The following CDK3 variants were observed in gnomAD, a reference collection of about 807,000 sequenced individuals.
CDK3 encodes cyclin dependent kinase 3, also known as cyclin-dependent kinase 3.
CDK3 carries 24 observed loss-of-function variants against 30.2 expected under a neutral mutation model. The observed-to-expected ratio is 0.79, with a 90% CI of 0.57 to 1.12. CDK3 has a LOEUF of 1.12. Ranked by LOEUF, CDK3 falls within the 50% of genes most tolerant of loss-of-function variation. The probability of loss-of-function intolerance (pLI) is 0.00; values close to 1 mark genes in which losing one functional copy is unlikely to be tolerated. For missense variants in CDK3, 345 were observed against 376.0 expected (o/e 0.92, Z 0.68); for synonymous variants, 158 against 154.2 (o/e 1.02, Z -0.18).
At position 76,001,553 on chromosome 17, in the gene CDK3, G is replaced by A; in HGVS notation, c.116+12G>A. 6.2e-7 allele frequency: 1 copy of A among 1,610,294 alleles called. No individual in the cohort carries two copies. Among genetic ancestry groups the A allele is most frequent in the African/African-American group, 1.3e-5 (1 of 74,936 alleles). On this transcript the variant is annotated intron_variant, in intron 2 of 7. Transcript: ENST00000448471. This position sits in a 1 kb window ranked among gnomAD's most constrained non-coding sequence, Gnocchi z 6.2. ...ATCAGACTGGATTTGTGAGTGCTGGGACGGCCCCTGAGTTACCCACCCTGG... is the reference window on the plus strand; with the variant it reads ...ATCAGACTGGATTTGTGAGTGCTGGAACGGCCCCTGAGTTACCCACCCTGG...
In CDK3 at chr17:76,005,776, C is replaced by T. The variant is rs1382720346; in HGVS notation, c.*353C>T. ...GGGCCAGACCCTGAGGAAAGGGCGC[C>T]CCCTGCTGGTCTTTTTGGATTTAAA... On this transcript the variant is annotated 3_prime_UTR_variant, in exon 8 of 8. Transcript: ENST00000448471. This position sits in a 1 kb window ranked among gnomAD's most constrained non-coding sequence, Gnocchi z 4.7. 1 of 209,956 alleles carries T rather than the reference C, an allele frequency of 4.8e-6. No homozygotes were observed. The highest frequency in any genetic ancestry group is 9.5e-6 in the Non-Finnish European group (1 of 104,872). The allele number at this position is 209,956 out of a possible 1,614,324, so 13.0% of individuals were successfully genotyped here. A position where few individuals can be genotyped will look rare whatever the true frequency, so the allele number is the denominator to read the frequency against.
chr17:76,005,271 C>T lies in CDK3; in HGVS notation c.793-27C>T. 6.2e-7 allele frequency: 1 copy of T among 1,610,988 alleles called. No homozygotes were observed. The highest frequency in any genetic ancestry group is 8.5e-7 in the Non-Finnish European group (1 of 1,178,134). The stretch of plus-strand genomic sequence containing the variant: ...CACCCCACCCTGGCTGCACCCAGAC[C>T]ACATCTTCTTCCTTCTTTCTTCCTA... On this transcript the variant is annotated intron_variant, in intron 7 of 7. Coordinates refer to ENST00000448471, the MANE Select transcript of CDK3 (RefSeq NM_001258.4). The surrounding 1 kb of genome is among the most constrained non-coding windows in gnomAD (Gnocchi z 4.7).
chr17:76,004,023 C>T (rs1326594526), intron 7 of CDK3, among the ~76,000 whole-genome samples: 1 of 151,824 alleles, frequency 6.6e-6, no homozygotes, highest in Non-Finnish European at 1.5e-5. Flanking sequence ...GGATTACAGG[C>T]ATGAGCCACT....
chr17:76,002,129 T>C lies in CDK3; in HGVS notation c.302T>C (p.Leu101Pro). The C allele has an allele frequency of 1.2e-6, 2 of 1,613,944 alleles. No individual in the cohort carries two copies. Among genetic ancestry groups the C allele is most frequent in the Non-Finnish European group, 8.5e-7 (1 of 1,179,960 alleles). The change falls in exon 4 of 8, where the codon CTG becomes CCG. Residue 101 changes from leucine (L) to proline (P), a missense_variant. Transcript: ENST00000448471. This position sits in a 1 kb window ranked among gnomAD's most constrained non-coding sequence, Gnocchi z 4.3. The part of the protein sequence containing the change: ...MDSTPGSELP[L>P]HLIKSYLFQL... ...TCCACCCCAGGCTCAGAGCTCCCCCTGCACCTCATCAAGGTAGGGAAGGAA... is the reference window on the plus strand; with the variant it reads ...TCCACCCCAGGCTCAGAGCTCCCCCCGCACCTCATCAAGGTAGGGAAGGAA...
In CDK3 at chr17:76,001,803, C is replaced by A; in HGVS notation, c.117-71C>A. 7.0e-7 allele frequency: 1 copy of A among 1,432,002 alleles called. No homozygotes were observed. Among genetic ancestry groups the A allele is most frequent in the Non-Finnish European group, 9.6e-7 (1 of 1,043,832 alleles). 88.7% of individuals were successfully genotyped at this position (1,432,002 alleles called of 1,614,324 possible). The stretch of plus-strand genomic sequence containing the variant: ...TCATTCTGTGGGGTTAAGGAGAAGC[C>A]GATCCCCCTGGCTGGAAGTGCCCTT... On this transcript the variant is annotated intron_variant, in intron 2 of 7. Coordinates refer to ENST00000448471, the MANE Select transcript of CDK3 (RefSeq NM_001258.4). This position sits in a 1 kb window ranked among gnomAD's most constrained non-coding sequence, Gnocchi z 6.2.
Position 76,005,527 on chromosome 17 carries a change from G to A in CDK3, c.*104G>A, listed in dbSNP as rs907164535. The A allele has an allele frequency of 1.3e-5, 18 of 1,376,422 alleles. No homozygotes were observed. In the East Asian group the frequency reaches 2.6e-4, roughly 20 times the overall value. The allele number at this position is 1,376,422 out of a possible 1,614,324, so 85.3% of individuals were successfully genotyped here. The stretch of plus-strand genomic sequence containing the variant: ...GCATCTGGGGAGAGCAAAGCACTAA[G>A]GAATTCAGCATCAGCCTGCAGAGGG... On this transcript the variant is annotated 3_prime_UTR_variant, in exon 8 of 8. Transcript: ENST00000448471. This position sits in a 1 kb window ranked among gnomAD's most constrained non-coding sequence, Gnocchi z 4.7.
In CDK3 at chr17:76,002,656, G is replaced by T. The variant is rs1039896989; in HGVS notation, c.588+44G>T. 1 of 782,448 alleles carries T rather than the reference G, an allele frequency of 1.3e-6. No homozygotes were observed. Among genetic ancestry groups the T allele is most frequent in the Non-Finnish European group, 2.4e-6 (1 of 421,176 alleles). The allele number at this position is 782,448 out of a possible 1,614,324, so 48.5% of individuals were successfully genotyped here. On this transcript the variant is annotated intron_variant, in intron 6 of 7. Transcript: ENST00000448471. This position sits in a 1 kb window ranked among gnomAD's most constrained non-coding sequence, Gnocchi z 4.3. ...ATGGCCACAGGGTGCCACAGGCAGG[G>T]TCCTACTGGGGTTGGGTGGGGTCCA... is the stretch of plus-strand genomic sequence containing the variant.
At position 76,002,274 on chromosome 17, in the gene CDK3, G is replaced by A. The variant is rs747090635; in HGVS notation, c.342G>A (p.Gly114=). 1.2e-6 allele frequency: 2 copies of A among 1,611,766 alleles called. No homozygotes were observed. Among genetic ancestry groups the A allele is most frequent in the Middle Eastern group, 1.6e-4 (1 of 6,062 alleles). The change falls in exon 5 of 8, where the codon GGG becomes GGA. Residue 114 remains glycine, a synonymous_variant. Coordinates refer to ENST00000448471, the MANE Select transcript of CDK3 (RefSeq NM_001258.4). This position sits in a 1 kb window ranked among gnomAD's most constrained non-coding sequence, Gnocchi z 4.3. The part of the protein sequence containing the change: ...IKSYLFQLLQ[G]VSFCHSHRVI... ...GCTACCTCTTCCAGCTGCTGCAGGGGGTGAGTTTCTGCCACTCACATCGGG... is the reference window on the plus strand; with the variant it reads ...GCTACCTCTTCCAGCTGCTGCAGGGAGTGAGTTTCTGCCACTCACATCGGG...
At chr17:76,004,232 T>G (rs1378921300) in intron 7 of CDK3, among the ~76,000 whole-genome samples, 1 of 146,446 alleles carries the variant, frequency 6.8e-6, no homozygotes, top group Non-Finnish European at 1.5e-5. Context: ...TTTTTTTTTT[T>G]TTTTGAGACA....
rs2066275597 is a variant in CDK3, at chr17:76,002,998, A to G, written c.589-197A>G. 3 of 627,174 alleles carry G rather than the reference A, an allele frequency of 4.8e-6. No individual in the cohort carries two copies. Among genetic ancestry groups the G allele is most frequent in the South Asian group, 3.8e-5 (2 of 53,226 alleles). 38.9% of individuals were successfully genotyped at this position (627,174 alleles called of 1,614,324 possible). A position where few individuals can be genotyped will look rare whatever the true frequency, so the allele number is the denominator to read the frequency against. On this transcript the variant is annotated intron_variant, in intron 6 of 7. Coordinates refer to ENST00000448471, the MANE Select transcript of CDK3 (RefSeq NM_001258.4). This position sits in a 1 kb window ranked among gnomAD's most constrained non-coding sequence, Gnocchi z 4.3. ...GGTGACAGAGCAAGACTCCGTCTCT[A>G]TTTTTTAAAAAAAGGTGTTTGGTAC... is the stretch of plus-strand genomic sequence containing the variant.
Position 76,001,835 on chromosome 17 carries a change from C to G in CDK3, c.117-39C>G, listed in dbSNP as rs1308715611. 1.3e-6 allele frequency: 2 copies of G among 1,592,622 alleles called. No homozygotes were observed. The highest frequency in any genetic ancestry group is 1.7e-6 in the Non-Finnish European group (2 of 1,164,116). On this transcript the variant is annotated intron_variant, in intron 2 of 7. Coordinates refer to ENST00000448471, the MANE Select transcript of CDK3 (RefSeq NM_001258.4). The surrounding 1 kb of genome is among the most constrained non-coding windows in gnomAD (Gnocchi z 6.2). ...CCTGGCTGGAAGTGCCCTTCTTGGC[C>G]CAAGTCTCTGCCCACGGCTGTGCCC...
chr17:76,002,267 T>C lies in CDK3; in HGVS notation c.335T>C (p.Leu112Pro), dbSNP rs1167660963. The C allele has an allele frequency of 6.2e-7, 1 of 1,611,794 alleles. No homozygotes were observed. Among genetic ancestry groups the C allele is most frequent in the Non-Finnish European group, 8.5e-7 (1 of 1,179,972 alleles). ...HLIKSYLFQL[L>P]QGVSFCHSHR... The stretch of plus-strand genomic sequence containing the variant: ...CTCCAGAGCTACCTCTTCCAGCTGC[T>C]GCAGGGGGTGAGTTTCTGCCACTCA... The change falls in exon 5 of 8, where the codon CTG becomes CCG. Residue 112 changes from leucine (L) to proline (P), a missense_variant. By Grantham distance (98) the Leu-to-Pro change is moderately conservative (BLOSUM62 -3). Coordinates refer to ENST00000448471, the MANE Select transcript of CDK3 (RefSeq NM_001258.4). This position sits in a 1 kb window ranked among gnomAD's most constrained non-coding sequence, Gnocchi z 4.3.
At chr17:76,003,106 G>T (rs2066276687) in intron 6 of CDK3, 89 bp from the exon 7 acceptor site, 1 of 1,012,492 alleles carries the variant, frequency 9.9e-7, no homozygotes, top group Non-Finnish European at 1.5e-6. Flanking sequence ...ATCTTGACAG[G>T]CCTCTCCCTG....
chr17:76,001,778 T>C lies in CDK3; in HGVS notation c.117-96T>C. On this transcript the variant is annotated intron_variant, in intron 2 of 7. Coordinates refer to ENST00000448471, the MANE Select transcript of CDK3 (RefSeq NM_001258.4). This position sits in a 1 kb window ranked among gnomAD's most constrained non-coding sequence, Gnocchi z 6.2. ...CAGGTCTCCATTGCCGGGGCCCTGG[T>C]CATTCTGTGGGGTTAAGGAGAAGCC... 8.2e-7 allele frequency: 1 copy of C among 1,216,354 alleles called. No individual in the cohort carries two copies. The highest frequency in any genetic ancestry group is 2.3e-5 in the Admixed American group (1 of 43,800). The allele number at this position is 1,216,354 out of a possible 1,614,324, so 75.3% of individuals were successfully genotyped here. A position where few individuals can be genotyped will look rare whatever the true frequency, so the allele number is the denominator to read the frequency against.
At chr17:76,004,946 C>T (rs2066298611) in intron 7 of CDK3, among the ~76,000 whole-genome samples, 1 of 152,140 alleles carries the variant, frequency 6.6e-6, no homozygotes, top group Admixed American at 6.5e-5. Flanking sequence ...AGTGTCAGTC[C>T]CTGAGCCCCC....
At chr17:76,004,815 A>T (rs1457373259) in intron 7 of CDK3, 1 of 159,996 alleles carries the variant, frequency 6.3e-6, no homozygotes, top group Non-Finnish European at 1.4e-5. Context: ...GCAGGACGGC[A>T]CAGACTCCAG....
chr17:76,003,924 T>C (rs2066285060), intron 7 of CDK3, among the ~76,000 whole-genome samples: 1 of 151,964 alleles, frequency 6.6e-6, no homozygotes, highest in African/African-American at 2.4e-5. Flanking sequence ...TGTATTTTTT[T>C]TTTTAGTAGA....
chr17:76,001,448 A>C lies in CDK3; in HGVS notation c.23A>C (p.Glu8Ala), dbSNP rs577105547. Residue 8 changes from glutamate to alanine, a missense_variant, in exon 2 of 8, where the codon GAG (glutamate) becomes GCG (alanine). Physicochemically the swap from Glu to Ala is moderately radical, Grantham distance 107. Transcript: ENST00000448471. This position sits in a 1 kb window ranked among gnomAD's most constrained non-coding sequence, Gnocchi z 6.2. MDMFQKVEKIGEGTYGVV... is the reference protein window; with the variant it reads MDMFQKVAKIGEGTYGVV... ...GCCATGGATATGTTCCAGAAGGTAG[A>C]GAAGATCGGAGAGGGCACCTATGGG... 1.9e-6 allele frequency: 3 copies of C among 1,614,082 alleles called. No individual in the cohort carries two copies. Among genetic ancestry groups the C allele is most frequent in the South Asian group, 2.2e-5 (2 of 91,084 alleles).
In CDK3 at chr17:76,005,528, G is replaced by T. The variant is rs1477971725; in HGVS notation, c.*105G>T. 4 of 1,369,052 alleles carry T rather than the reference G, an allele frequency of 2.9e-6. No homozygotes were observed. In the East Asian group the frequency reaches 9.3e-5, roughly 32 times the overall value. The allele number at this position is 1,369,052 out of a possible 1,614,324, so 84.8% of individuals were successfully genotyped here. A position where few individuals can be genotyped will look rare whatever the true frequency, so the allele number is the denominator to read the frequency against. ...CATCTGGGGAGAGCAAAGCACTAAG[G>T]AATTCAGCATCAGCCTGCAGAGGGC... On this transcript the variant is annotated 3_prime_UTR_variant, in exon 8 of 8. Transcript: ENST00000448471. The surrounding 1 kb of genome is among the most constrained non-coding windows in gnomAD (Gnocchi z 4.7).
Sources: allele counts gnomAD v4.1 joint callset (sites outside exome capture counted in the v4.1 genomes callset), GRCh38; gene constraint gnomAD v4.1.1; non-coding constraint Gnocchi (gnomAD v3.1); transcripts MANE v1.5; gene names NCBI Gene and HGNC (gene_info 2026-07-23, HGNC 2026-07-21).